The following LRMDA variants were observed in gnomAD, a reference collection of about 807,000 sequenced individuals.
LRMDA encodes leucine-rich melanocyte differentiation-associated protein.
Under a neutral mutation model 29.8 loss-of-function variants are expected in LRMDA, and 18 were observed. The observed-to-expected ratio is 0.60, with a 90% confidence interval of 0.42 to 0.90. The LOEUF (loss-of-function observed/expected upper bound fraction) is 0.90. LRMDA is among the 40% of genes least tolerant of loss of function. The pLI, the probability that LRMDA is intolerant of heterozygous loss-of-function variation, is 0.00. For missense variants in LRMDA, 273 were observed against 273.9 expected, an observed-to-expected ratio of 1.00 and a Z score of 0.02; for synonymous variants, 125 against 109.4, an observed-to-expected ratio of 1.14 and a Z score of -0.89.
intron 2 of LRMDA, among the ~76,000 whole-genome samples, chr10:75,438,994 T>C (rs1361321557): frequency 7.9e-5 from 12 of 152,206 alleles, no homozygotes; most frequent in Admixed American, 7.2e-4. Context: ...TTTGTGATGA[T>C]AATTTCTCCC....
intron 6 of LRMDA, among the ~76,000 whole-genome samples, chr10:76,528,011 A>G (rs1843196236): frequency 6.6e-6 from 1 of 152,076 alleles, no homozygotes; most frequent in Admixed American, 6.6e-5. Context: ...AAGTAAAGCA[A>G]CTCTTGGATA....
At chr10:76,132,795 A>G (rs1850017087) in intron 5 of LRMDA, among the ~76,000 whole-genome samples, 1 of 151,068 alleles carries the variant, frequency 6.6e-6, no homozygotes, top group African/African-American at 2.5e-5. Flanking sequence ...TCACCAGCTG[A>G]CAAGCACCTT....
At chr10:76,475,793 A>G (rs1842663635) in intron 6 of LRMDA, among the ~76,000 whole-genome samples, 1 of 152,168 alleles carries the variant, frequency 6.6e-6, no homozygotes, top group South Asian at 2.1e-4. Context: ...CTGCTCCTGA[A>G]TGACTACTTG....
intron 2 of LRMDA, among the ~76,000 whole-genome samples, chr10:75,801,779 G>GA (rs1205787535): frequency 3.3e-5 from 5 of 152,126 alleles, no homozygotes; most frequent in African/African-American, 7.2e-5. Context: ...CTTCCTTAGA[G>GA]AAAAAATGTT....
chr10:75,529,617 A>G (rs1477906103), intron 2 of LRMDA, among the ~76,000 whole-genome samples: 1 of 152,220 alleles, frequency 6.6e-6, no homozygotes, highest in Non-Finnish European at 1.5e-5. Flanking sequence ...CTTCCCCAGC[A>G]TGATGAAGGT....
chr10:75,680,594 G>A (rs949528660), intron 2 of LRMDA, among the ~76,000 whole-genome samples: 47 of 151,786 alleles, frequency 3.1e-4, no homozygotes, highest in Admixed American at 2.3e-3. Flanking sequence ...TTTTTGCTTT[G>A]CTAGATAATA....
intron 5 of LRMDA, among the ~76,000 whole-genome samples, chr10:76,295,960 A>C (rs2132354012): frequency 6.6e-6 from 1 of 152,184 alleles, no homozygotes; most frequent in South Asian, 2.1e-4. Context: ...TTGTTTTCAC[A>C]TTTTCCTGTC....
At chr10:75,775,684 T>C (rs1216511384) in intron 2 of LRMDA, among the ~76,000 whole-genome samples, 1 of 152,214 alleles carries the variant, frequency 6.6e-6, no homozygotes, top group Non-Finnish European at 1.5e-5. Context: ...GAGTCTCTGT[T>C]TGAGCTACTC....
chr10:75,641,349 A>G (rs1841450522), intron 2 of LRMDA, among the ~76,000 whole-genome samples: 1 of 152,000 alleles, frequency 6.6e-6, no homozygotes, highest in Non-Finnish European at 1.5e-5. Flanking sequence ...TGAGCTGTCC[A>G]GGATGGTCTT....
chr10:75,897,641 A>G (rs1342200737), intron 2 of LRMDA, among the ~76,000 whole-genome samples: 1 of 152,194 alleles, frequency 6.6e-6, no homozygotes, highest in East Asian at 1.9e-4. Context: ...GAAATTTCTC[A>G]GTGGTTACAT....
chr10:75,555,095 G>A (rs1246369142), intron 2 of LRMDA, among the ~76,000 whole-genome samples: 1 of 152,100 alleles, frequency 6.6e-6, no homozygotes, highest in Non-Finnish European at 1.5e-5. Flanking sequence ...GATTCTGATG[G>A]GGAGGAGTTT....
chr10:75,442,976 A>C (rs938972915), intron 2 of LRMDA, among the ~76,000 whole-genome samples: 2 of 151,684 alleles, frequency 1.3e-5, no homozygotes, highest in Admixed American at 6.6e-5. Flanking sequence ...TTATTTTTTC[A>C]TGTTATTGTA....
In LRMDA at chr10:76,208,397, G is replaced by A. The variant is rs1027679992; in HGVS notation, c.517-116004G>A. On this transcript the variant is annotated intron_variant, in intron 5 of 6. Coordinates refer to ENST00000611255, the MANE Select transcript of LRMDA (RefSeq NM_001305581.2). ...AAGAAACCCTAAACTGGAAATTGGC[G>A]GGGGGCAACAGTTTATGAGTATTTT... 9.9e-5 allele frequency among the ~76,000 whole-genome samples: 15 copies of A among 152,210 alleles called. No homozygotes were observed. In the East Asian group the frequency reaches 1.5e-3, roughly 16 times the overall value.
intron 2 of LRMDA, among the ~76,000 whole-genome samples, chr10:75,654,292 A>T (rs1237833214): frequency 6.6e-6 from 1 of 152,130 alleles, no homozygotes; most frequent in African/African-American, 2.4e-5. Flanking sequence ...TACATTGGAG[A>T]CATTACATCT....
intron 2 of LRMDA, among the ~76,000 whole-genome samples, chr10:75,725,630 C>T (rs536331467): frequency 1.3e-5 from 2 of 152,310 alleles, no homozygotes; most frequent in East Asian, 3.9e-4. Flanking sequence ...CTGCTGCTTT[C>T]AGGGGAGGTA....
chr10:76,239,664 A>G (rs1852233124), intron 5 of LRMDA, among the ~76,000 whole-genome samples: 1 of 152,034 alleles, frequency 6.6e-6, no homozygotes, highest in Admixed American at 6.6e-5. Flanking sequence ...AATGACCCAC[A>G]TTCTGCTTTG....
chr10:75,881,822 A>C (rs1845299530), intron 2 of LRMDA, among the ~76,000 whole-genome samples: 1 of 152,206 alleles, frequency 6.6e-6, no homozygotes, highest in African/African-American at 2.4e-5. Context: ...TGTTTGCTTC[A>C]TTCTTTCCTT....
chr10:75,509,580 ATGACAC>A (rs1403002430), intron 2 of LRMDA, among the ~76,000 whole-genome samples: 4 of 152,152 alleles, frequency 2.6e-5, no homozygotes, highest in African/African-American at 9.7e-5. Flanking sequence ...TATTTTACAG[ATGACAC>A]TGAGCCCCAG....
At chr10:76,377,591 G>A (rs147485094) in intron 6 of LRMDA, among the ~76,000 whole-genome samples, 41 of 152,062 alleles carry the variant, frequency 2.7e-4, no homozygotes, top group African/African-American at 9.2e-4. Flanking sequence ...TCATTCTTTC[G>A]CATATGGCTA....
Sources: gnomAD v4.1 joint callset for allele counts (sites outside exome capture counted in the v4.1 genomes callset) on GRCh38, gnomAD v4.1.1 for gene constraint, MANE v1.5 for transcripts, NCBI Gene and HGNC (gene_info 2026-07-23, HGNC 2026-07-21) for gene names.